BRMS1L: variants seen among roughly 807,000 people sequenced by gnomAD.
BRMS1L encodes BRMS1 like transcriptional repressor, also known as breast cancer metastasis-suppressor 1-like protein.
In BRMS1L, 23 loss-of-function variants were observed where a neutral mutation model predicts 50.3. The observed-to-expected ratio is 0.46, with a 90% CI of 0.33 to 0.65. The LOEUF is 0.65. Ranked by LOEUF, BRMS1L falls within the 30% of genes least tolerant of loss-of-function variation. The pLI is 0.02. For missense variants in BRMS1L, 286 were observed against 386.1 expected (o/e 0.74, Z 2.17); for synonymous variants, 114 against 126.9 (o/e 0.90, Z 0.69).
At chr14:35,830,084 T>C (rs2077898994) in intron 1 of BRMS1L, among the ~76,000 whole-genome samples, 1 of 152,250 alleles carries the variant, frequency 6.6e-6, no homozygotes, top group African/African-American at 2.4e-5. Flanking sequence ...TTTTCCTTTT[T>C]TTGAGATGGA....
rs1451865723 is a variant in BRMS1L at position 35,870,556 on chromosome 14, A to G, written c.*79A>G. On this transcript the variant is annotated 3_prime_UTR_variant, in exon 10 of 10. Coordinates refer to ENST00000216807, the MANE Select transcript of BRMS1L (RefSeq NM_032352.4). ...GCCATGAGAGTAAAAAAATGTATTC[A>G]ATAACTTAATATTCTCACTGAATCA... The G allele has an allele frequency of 2.5e-6, 2 of 785,124 alleles. No homozygotes were observed. Among genetic ancestry groups the G allele is most frequent in the Non-Finnish European group, 4.2e-6 (2 of 471,746 alleles). The allele number at this position is 785,124 out of a possible 1,614,324, so 48.6% of individuals were successfully genotyped here. A position where few individuals can be genotyped will look rare whatever the true frequency, so the allele number is the denominator to read the frequency against.
chr14:35,853,029 G>T (rs1227396976), intron 4 of BRMS1L, among the ~76,000 whole-genome samples: 6 of 132,882 alleles, frequency 4.5e-5, no homozygotes, highest in African/African-American at 1.8e-4. Context: ...TATAGAGAGA[G>T]AGACTTATCA....
chr14:35,870,268 C>T (rs2078474553), intron 9 of BRMS1L, 92 bp from the exon 10 acceptor site: 1 of 722,852 alleles, frequency 1.4e-6, no homozygotes, highest in Non-Finnish European at 2.4e-6. Context: ...CTGTTGTAGG[C>T]CAGTTTATTT....
At chr14:35,847,508 C>T (rs2078151800) in intron 4 of BRMS1L, among the ~76,000 whole-genome samples, 1 of 152,036 alleles carries the variant, frequency 6.6e-6, no homozygotes, top group Non-Finnish European at 1.5e-5. Context: ...ACTTTGTTGC[C>T]CAGGCTGAGT....
chr14:35,859,672 CAG>C (rs2078325234), intron 4 of BRMS1L, among the ~76,000 whole-genome samples: 1 of 152,118 alleles, frequency 6.6e-6, no homozygotes, highest in Admixed American at 6.5e-5. Flanking sequence ...TTTAAAGAGA[CAG>C]AGTCTCGCTC....
chr14:35,861,283 T>C (rs1182501474), intron 4 of BRMS1L, among the ~76,000 whole-genome samples: 1 of 152,138 alleles, frequency 6.6e-6, no homozygotes, highest in Admixed American at 6.5e-5. Flanking sequence ...AATTTGTCAA[T>C]AGGAAGAAAA....
chr14:35,868,089 G>C (rs1053796964), intron 9 of BRMS1L, 57 bp downstream of exon 9: 1 of 1,501,806 alleles, frequency 6.7e-7, no homozygotes, highest in African/African-American at 1.4e-5. Context: ...CAACATCGTT[G>C]TCAGTGAAAT....
At chr14:35,850,686 T>C (rs747478692) in intron 4 of BRMS1L, among the ~76,000 whole-genome samples, 1 of 152,262 alleles carries the variant, frequency 6.6e-6, no homozygotes, top group Non-Finnish European at 1.5e-5. Context: ...AGTTTCAGTT[T>C]TATGTTTCAG....
chr14:35,833,826 C>G (rs2077957579), intron 3 of BRMS1L, among the ~76,000 whole-genome samples: 1 of 152,072 alleles, frequency 6.6e-6, no homozygotes, highest in South Asian at 2.1e-4. Context: ...TAGATAATAC[C>G]TAAGGCATTG....
At chr14:35,855,461 A>C (rs955557317) in intron 4 of BRMS1L, among the ~76,000 whole-genome samples, 1 of 152,178 alleles carries the variant, frequency 6.6e-6, no homozygotes, top group Non-Finnish European at 1.5e-5. Context: ...CAGGAAATCT[A>C]TCTAGGTGTG....
Position 35,826,421 on chromosome 14 carries a change from G to GT in BRMS1L, c.-95dup, listed in dbSNP as rs1389114230. The GT allele has an allele frequency of 6.5e-7, 1 of 1,528,696 alleles. No individual in the cohort carries two copies. 94.7% of individuals were successfully genotyped at this position (1,528,696 alleles called of 1,614,324 possible). On this transcript the variant is annotated 5_prime_UTR_variant, in exon 1 of 10. Coordinates refer to ENST00000216807, the MANE Select transcript of BRMS1L (RefSeq NM_032352.4). Reference sequence around the variant, plus strand: ...GGAGCCAAGGGGGCGAGCAAGCTCGGTGGCTGGGTGGGTTGGGGCGTTCCG... The same window carrying GT: ...GGAGCCAAGGGGGCGAGCAAGCTCGGTTGGCTGGGTGGGTTGGGGCGTTCCG...
chr14:35,869,929 T>C (rs1415325339), intron 9 of BRMS1L, among the ~76,000 whole-genome samples: 2 of 151,880 alleles, frequency 1.3e-5, no homozygotes, highest in East Asian at 1.9e-4. Flanking sequence ...ATGTAAAGAT[T>C]AGTAGTGTAA....
intron 7 of BRMS1L, among the ~76,000 whole-genome samples, chr14:35,865,434 A>G (rs898981173): frequency 2.6e-5 from 4 of 152,174 alleles, no homozygotes; most frequent in Non-Finnish European, 5.9e-5. Context: ...TTCTTGCCTG[A>G]AAGTGGAGGC....
chr14:35,865,746 A>G lies in BRMS1L; in HGVS notation c.712A>G (p.Arg238Gly), dbSNP rs934874301. The G allele has an allele frequency of 8.7e-6, 14 of 1,600,328 alleles. No homozygotes were observed. The highest frequency in any genetic ancestry group is 1.4e-5 in the African/African-American group (1 of 73,742). ...GGCAATGGCTACATTGGGGCCACAC[A>G]GAGTGAAAACGGAACGTAAGTCATT... ...RKAMATLGPH[R>G]VKTEPPVKLE... The change falls in exon 8 of 10, where the codon AGA becomes GGA. Residue 238 changes from arginine to glycine, a missense_variant. Arg to Gly is a moderately radical substitution (Grantham distance 125). This residue lies in a region of BRMS1L where 160 missense variants were observed against 240.6 expected (regional missense o/e 0.66). Transcript: ENST00000216807.
chr14:35,865,845 T>C lies in BRMS1L; in HGVS notation c.727+84T>C, dbSNP rs886283946. 1.3e-5 allele frequency: 16 copies of C among 1,196,464 alleles called. No individual in the cohort carries two copies. In the South Asian group the frequency reaches 1.7e-4, roughly 13 times the overall value. The allele number at this position is 1,196,464 out of a possible 1,614,324, so 74.1% of individuals were successfully genotyped here. ...TGTTATCTACGTACTAAAGAACTCT[T>C]GAATCAGTGGTTTTATTTCATCAGT... On this transcript the variant is annotated intron_variant, in intron 8 of 9. Coordinates refer to ENST00000216807, the MANE Select transcript of BRMS1L (RefSeq NM_032352.4).
chr14:35,853,664 T>G (rs974409060), intron 4 of BRMS1L, among the ~76,000 whole-genome samples: 1 of 152,098 alleles, frequency 6.6e-6, no homozygotes, highest in African/African-American at 2.4e-5. Context: ...TGGGCTCAAG[T>G]GATCCTCCTG....
In BRMS1L at chr14:35,826,642, G is replaced by C. The variant is rs2077846980; in HGVS notation, c.126G>C (p.Glu42Asp). The C allele has an allele frequency of 1.2e-6, 2 of 1,612,476 alleles. No individual in the cohort carries two copies. Among genetic ancestry groups the C allele is most frequent in the South Asian group, 1.1e-5 (1 of 90,560 alleles). The change falls in exon 1 of 10, where the codon GAG becomes GAC. Residue 42 changes from glutamate to aspartate, a missense_variant. By Grantham distance (45) the Glu-to-Asp change is conservative. This residue lies in a region of BRMS1L where 66 missense variants were observed against 67.8 expected (regional missense o/e 0.97). Coordinates refer to ENST00000216807, the MANE Select transcript of BRMS1L (RefSeq NM_032352.4). Reference protein sequence around the residue: ...DEDTESSSVSEDGDSSEMDDE... With the variant: ...DEDTESSSVSDDGDSSEMDDE... Reference sequence around the variant, plus strand: ...ACACTGAGAGCTCGTCGGTCTCCGAGGATGGAGATAGCTCAGGTGCGCGAC... The same window carrying C: ...ACACTGAGAGCTCGTCGGTCTCCGACGATGGAGATAGCTCAGGTGCGCGAC...
chr14:35,847,487 G>C (rs938460125), intron 4 of BRMS1L, among the ~76,000 whole-genome samples: 12 of 152,030 alleles, frequency 7.9e-5, no homozygotes, highest in African/African-American at 2.9e-4. Context: ...ATTTTGTAGA[G>C]ATAGAGTCTC....
At chr14:35,847,003 CT>C (rs1228917058) in intron 4 of BRMS1L, among the ~76,000 whole-genome samples, 1 of 151,982 alleles carries the variant, frequency 6.6e-6, no homozygotes, top group Non-Finnish European at 1.5e-5. Flanking sequence ...AACGCAGGGT[CT>C]CCCTTTGTTG....
Sources: allele counts gnomAD v4.1 joint callset (sites outside exome capture counted in the v4.1 genomes callset), GRCh38; gene constraint gnomAD v4.1.1; regional missense constraint gnomAD v4.1.1; transcripts MANE v1.5; gene names NCBI Gene and HGNC (gene_info 2026-07-23, HGNC 2026-07-21).